Variants in PHYHIPL observed in about 807,000 individuals in gnomAD.
The protein encoded by PHYHIPL is phytanoyl-CoA 2-hydroxylase interacting protein like.
PHYHIPL carries 9 observed loss-of-function variants against 33.4 expected under a neutral mutation model. That is an observed-to-expected ratio of 0.27 (90% CI 0.16 to 0.47). The LOEUF (loss-of-function observed/expected upper bound fraction) is 0.47, where lower values mean the gene tolerates loss of function less well. Among genes scored for constraint, PHYHIPL ranks in the 20% least tolerant of loss-of-function variants. The probability of loss-of-function intolerance (pLI) is 0.99; values close to 1 mark genes in which losing one functional copy is unlikely to be tolerated. For missense variants in PHYHIPL, 365 were observed against 460.7 expected (o/e 0.79, Z 1.90); for synonymous variants, 153 against 154.1 (o/e 0.99, Z 0.05).
At chr10:59,217,778 G>C (rs1839658362) in intron 1 of PHYHIPL, among the ~76,000 whole-genome samples, 1 of 151,936 alleles carries the variant, frequency 6.6e-6, no homozygotes, top group South Asian at 2.1e-4. Context: ...ACTGAATGCA[G>C]ATTACTTCCT....
At chr10:59,193,307 A>T (rs530670048) in intron 1 of PHYHIPL, among the ~76,000 whole-genome samples, 1 of 152,176 alleles carries the variant, frequency 6.6e-6, no homozygotes, top group Non-Finnish European at 1.5e-5. Context: ...TTGACTGACA[A>T]GAGAACTAAG....
Position 59,246,353 on chromosome 10 carries a change from AG to A in PHYHIPL, c.*763del. 1 of 243,028 alleles carries A rather than the reference AG, an allele frequency of 4.1e-6. No homozygotes were observed. Among genetic ancestry groups the A allele is most frequent in the Non-Finnish European group, 7.8e-6 (1 of 127,940 alleles). 15.1% of individuals were successfully genotyped at this position (243,028 alleles called of 1,614,324 possible). On this transcript the variant is annotated 3_prime_UTR_variant, in exon 5 of 5. Coordinates refer to ENST00000373880, the MANE Select transcript of PHYHIPL (RefSeq NM_032439.4). ...GAAGGACATTATTCTGATTCATAAAAGTTATAAAATATTAGGTAAATACAGA... is the reference window on the plus strand; with the variant it reads ...GAAGGACATTATTCTGATTCATAAAATTATAAAATATTAGGTAAATACAGA...
intron 1 of PHYHIPL, among the ~76,000 whole-genome samples, chr10:59,233,107 A>G (rs1022241660): frequency 6.6e-6 from 1 of 151,968 alleles, no homozygotes; most frequent in Admixed American, 6.6e-5. Flanking sequence ...AAGGATTTTT[A>G]AAAGTATTGT....
intron 1 of PHYHIPL, among the ~76,000 whole-genome samples, chr10:59,201,607 C>T (rs979899198): frequency 2.0e-5 from 3 of 151,844 alleles, no homozygotes; most frequent in African/African-American, 7.2e-5. Context: ...AAGATCTCTT[C>T]AATATTTGCT....
At chr10:59,222,315 T>C (rs1310955755) in intron 1 of PHYHIPL, among the ~76,000 whole-genome samples, 2 of 151,932 alleles carry the variant, frequency 1.3e-5, no homozygotes, top group African/African-American at 2.4e-5. Flanking sequence ...TGCAGGTAAC[T>C]AGGAGGTGCT....
intron 1 of PHYHIPL, among the ~76,000 whole-genome samples, chr10:59,215,842 A>C (rs796978822): frequency 3.3e-5 from 5 of 152,122 alleles, no homozygotes; most frequent in African/African-American, 9.6e-5. Context: ...ATAGAAAAAA[A>C]AAAAACAGAT....
intron 1 of PHYHIPL, among the ~76,000 whole-genome samples, chr10:59,209,338 A>G (rs1839380839): frequency 6.6e-6 from 1 of 152,150 alleles, no homozygotes; most frequent in Admixed American, 6.5e-5. Context: ...AAGCTTCATA[A>G]GTGAAGGAGA....
chr10:59,220,121 TG>T (rs1177554184), intron 1 of PHYHIPL, among the ~76,000 whole-genome samples: 2 of 152,142 alleles, frequency 1.3e-5, no homozygotes, highest in Non-Finnish European at 2.9e-5. Context: ...TATTTACTCC[TG>T]GGTGTCTTTG....
chr10:59,231,803 TAAATC>T (rs1840087917), intron 1 of PHYHIPL, among the ~76,000 whole-genome samples: 4 of 152,156 alleles, frequency 2.6e-5, no homozygotes, highest in East Asian at 1.9e-4. Context: ...TTCACAAAAA[TAAATC>T]AAATATTAAT....
intron 1 of PHYHIPL, among the ~76,000 whole-genome samples, chr10:59,228,293 G>A (rs1410698156): frequency 6.6e-6 from 1 of 152,010 alleles, no homozygotes; most frequent in South Asian, 2.1e-4. Context: ...ATAAAAAATA[G>A]GTTACAAAAC....
intron 4 of PHYHIPL, among the ~76,000 whole-genome samples, chr10:59,240,905 A>C (rs1589299947): frequency 6.6e-6 from 1 of 152,128 alleles, no homozygotes; most frequent in Non-Finnish European, 1.5e-5. Context: ...ATAAATAAAT[A>C]AAGACAGAGT....
intron 1 of PHYHIPL, among the ~76,000 whole-genome samples, chr10:59,226,875 A>G (rs933901078): frequency 1.1e-4 from 17 of 152,304 alleles, no homozygotes; most frequent in Non-Finnish European, 1.9e-4. Context: ...AGTGAAAGAC[A>G]GAAACTAAGG....
At chr10:59,199,049 T>A (rs1179339927) in intron 1 of PHYHIPL, among the ~76,000 whole-genome samples, 1 of 152,188 alleles carries the variant, frequency 6.6e-6, no homozygotes, top group Non-Finnish European at 1.5e-5. Flanking sequence ...GTGCAGAAGC[T>A]CTTTAGTTTA....
chr10:59,240,655 AAAAAACCCC>A (rs1840367907), intron 4 of PHYHIPL, among the ~76,000 whole-genome samples: 1 of 152,104 alleles, frequency 6.6e-6, no homozygotes, highest in Non-Finnish European at 1.5e-5. Context: ...TTGAAAACAA[AAAAAACCCC>A]TCCATATTTC....
chr10:59,235,316 G>T (rs1233568445), intron 2 of PHYHIPL, among the ~76,000 whole-genome samples: 1 of 151,574 alleles, frequency 6.6e-6, no homozygotes, highest in African/African-American at 2.4e-5. Context: ...TATCTTTTCT[G>T]ATATATCTCT....
Position 59,191,278 on chromosome 10 carries a change from G to A in PHYHIPL, c.106+14319G>A, listed in dbSNP as rs183228845. On this transcript the variant is annotated intron_variant, in intron 1 of 4. Transcript: ENST00000373880. Reference sequence around the variant, plus strand: ...GCATTTGAATTAACTAGGTATATGCGATGAATATTTTTTGTATTACATTTT... The same window carrying A: ...GCATTTGAATTAACTAGGTATATGCAATGAATATTTTTTGTATTACATTTT... 6.6e-5 allele frequency among the ~76,000 whole-genome samples: 10 copies of A among 151,942 alleles called. No homozygotes were observed. In the East Asian group the frequency reaches 1.7e-3, roughly 26 times the overall value.
chr10:59,227,806 C>T (rs1254569690), intron 1 of PHYHIPL, among the ~76,000 whole-genome samples: 1 of 152,048 alleles, frequency 6.6e-6, no homozygotes, highest in Non-Finnish European at 1.5e-5. Context: ...TTTGCTTAAT[C>T]CTAGTTCCCA....
At chr10:59,174,705 A>T (rs1260577514), upstream of PHYHIPL, among the ~76,000 whole-genome samples, 1 of 152,180 alleles carries the variant, frequency 6.6e-6, no homozygotes, top group African/African-American at 2.4e-5. Flanking sequence ...TCCTATTTAA[A>T]GCCTTTTTAA....
chr10:59,243,013 C>T (rs1477661762), intron 4 of PHYHIPL, among the ~76,000 whole-genome samples: 1 of 151,796 alleles, frequency 6.6e-6, no homozygotes, highest in Non-Finnish European at 1.5e-5. Context: ...CGAAATGTTC[C>T]CAAATTTGCC....
Sources: gnomAD v4.1 joint callset for allele counts (sites outside exome capture counted in the v4.1 genomes callset) on GRCh38, gnomAD v4.1.1 for gene constraint, MANE v1.5 for transcripts, NCBI Gene and HGNC (gene_info 2026-07-23, HGNC 2026-07-21) for gene names.